The following ROBO2 variants were observed in gnomAD, a reference collection of about 807,000 sequenced individuals.
ROBO2 encodes the protein roundabout guidance receptor 2.
In ROBO2, 53 loss-of-function variants were observed where a neutral mutation model predicts 160.8. That is an observed-to-expected ratio of 0.33 (90% CI 0.26 to 0.41). The LOEUF is 0.41. Ranked by LOEUF, ROBO2 falls within the 10% of genes least tolerant of loss-of-function variation. The probability of loss-of-function intolerance (pLI) is 1.00; values close to 1 mark genes in which losing one functional copy is unlikely to be tolerated. For missense variants in ROBO2, 1,577 were observed against 1,722.4 expected, an observed-to-expected ratio of 0.92 and a Z score of 1.49; for synonymous variants, 664 against 611.7, an observed-to-expected ratio of 1.09 and a Z score of -1.26.
intron 1 of ROBO2, among the ~76,000 whole-genome samples, chr3:77,069,041 C>T (rs1455156499): frequency 6.6e-6 from 1 of 152,134 alleles, no homozygotes; most frequent in Non-Finnish European, 1.5e-5. Context: ...TCTATGGCTA[C>T]CTTCTTTCTA....
chr3:77,291,997 G>A (rs1167773032), intron 2 of ROBO2, among the ~76,000 whole-genome samples: 5 of 151,528 alleles, frequency 3.3e-5, no homozygotes, highest in South Asian at 4.2e-4. Context: ...ATGGTTAAAC[G>A]GGTAAGCTGA....
chr3:76,093,863 A>G (rs1439616132), intron 2 of ROBO2, among the ~76,000 whole-genome samples: 1 of 152,180 alleles, frequency 6.6e-6, no homozygotes, highest in Non-Finnish European at 1.5e-5. Context: ...TTTTAGAATA[A>G]AAGTCTCTTT....
chr3:76,114,423 A>G (rs1339455382), intron 2 of ROBO2, among the ~76,000 whole-genome samples: 1 of 152,194 alleles, frequency 6.6e-6, no homozygotes, highest in Non-Finnish European at 1.5e-5. Flanking sequence ...AGTAATATTA[A>G]ATAAAAAAAT....
At chr3:77,218,786 C>T (rs1053086295) in intron 2 of ROBO2, among the ~76,000 whole-genome samples, 2 of 152,148 alleles carry the variant, frequency 1.3e-5, no homozygotes, top group African/African-American at 4.8e-5. Flanking sequence ...CTGACTAATG[C>T]GTCTGACTTT....
chr3:76,061,073 GTTTA>G, intron 2 of ROBO2, among the ~76,000 whole-genome samples: 1 of 151,820 alleles, frequency 6.6e-6, no homozygotes. Context: ...AAAATGCCAT[GTTTA>G]TTTATGTTAT....
chr3:77,091,834 G>A (rs188888590), intron 1 of ROBO2, among the ~76,000 whole-genome samples: 70 of 151,980 alleles, frequency 4.6e-4, no homozygotes, highest in African/African-American at 1.5e-3. Flanking sequence ...CAAAAAATTA[G>A]CCAGGTGTGG....
chr3:77,159,034 A>AAT, intron 2 of ROBO2, among the ~76,000 whole-genome samples: 1 of 152,130 alleles, frequency 6.6e-6, no homozygotes, highest in South Asian at 2.1e-4. Flanking sequence ...TCAAGTCATC[A>AAT]TTCTTAATTT....
At chr3:76,909,173 G>C (rs549237575) in intron 2 of ROBO2, among the ~76,000 whole-genome samples, 3 of 152,336 alleles carry the variant, frequency 2.0e-5, no homozygotes, top group African/African-American at 7.2e-5. Flanking sequence ...GTTGCAGTGA[G>C]CTGCGATCAA....
intron 2 of ROBO2, among the ~76,000 whole-genome samples, chr3:77,102,875 C>T (rs2072187497): frequency 6.7e-6 from 1 of 149,822 alleles, no homozygotes; most frequent in South Asian, 2.1e-4. Flanking sequence ...AAATAGCTAT[C>T]CAGAAAGTGT....
At chr3:77,509,793 G>A (rs910393947) in intron 5 of ROBO2, among the ~76,000 whole-genome samples, 3 of 151,922 alleles carry the variant, frequency 2.0e-5, no homozygotes, top group Non-Finnish European at 4.4e-5. Flanking sequence ...AATTTGTCAC[G>A]GCTGCCTACT....
At chr3:77,095,464 C>T (rs1306309792) in intron 1 of ROBO2, among the ~76,000 whole-genome samples, 1 of 149,454 alleles carries the variant, frequency 6.7e-6, no homozygotes, top group Non-Finnish European at 1.5e-5. Context: ...TAAGTTAGTG[C>T]ACAAGTTGAT....
At chr3:77,375,968 C>T (rs1195233327) in intron 2 of ROBO2, among the ~76,000 whole-genome samples, 1 of 149,492 alleles carries the variant, frequency 6.7e-6, no homozygotes, top group Non-Finnish European at 1.5e-5. Flanking sequence ...ACCAAGAGAT[C>T]CCTTTCTCAA....
intron 2 of ROBO2, among the ~76,000 whole-genome samples, chr3:76,420,433 G>A (rs950673105): frequency 7.2e-5 from 11 of 152,092 alleles, no homozygotes; most frequent in East Asian, 1.9e-4. Flanking sequence ...TAAAATTGCC[G>A]GCATTGATCT....
intron 21 of ROBO2, among the ~76,000 whole-genome samples, chr3:77,613,616 A>C (rs1013264737): frequency 3.3e-5 from 5 of 152,202 alleles, no homozygotes; most frequent in Admixed American, 2.0e-4. Context: ...TTAGGAAAAA[A>C]GAACAAAGCA....
chr3:76,511,361 G>T (rs1358371682), intron 2 of ROBO2, among the ~76,000 whole-genome samples: 2 of 152,146 alleles, frequency 1.3e-5, no homozygotes, highest in Admixed American at 6.5e-5. Context: ...CAAACATTTT[G>T]TACCAGTGAC....
intron 2 of ROBO2, among the ~76,000 whole-genome samples, chr3:76,216,020 G>A (rs1024060121): frequency 5.3e-5 from 8 of 152,004 alleles, no homozygotes; most frequent in Admixed American, 1.3e-4. Context: ...ATTCTTAAAG[G>A]AAAGAATTTT....
intron 2 of ROBO2, among the ~76,000 whole-genome samples, chr3:76,856,147 T>G (rs1305838902): frequency 6.6e-6 from 1 of 152,154 alleles, no homozygotes; most frequent in Non-Finnish European, 1.5e-5. Flanking sequence ...GAAGACATAA[T>G]TGGTTCAACT....
intron 2 of ROBO2, among the ~76,000 whole-genome samples, chr3:77,265,411 T>G (rs1489122411): frequency 6.6e-6 from 1 of 152,190 alleles, no homozygotes; most frequent in Non-Finnish European, 1.5e-5. Flanking sequence ...CAATGCCTTT[T>G]ACAAGTTTAT....
intron 2 of ROBO2, among the ~76,000 whole-genome samples, chr3:76,216,968 C>T (rs1703581637): frequency 6.6e-6 from 1 of 152,132 alleles, no homozygotes; most frequent in Non-Finnish European, 1.5e-5. Flanking sequence ...ATCTCTCAGA[C>T]CACAGTGCAA....
Sources: allele counts gnomAD v4.1 joint callset (sites outside exome capture counted in the v4.1 genomes callset), GRCh38; gene constraint gnomAD v4.1.1; transcripts MANE v1.5; gene names NCBI Gene and HGNC (gene_info 2026-07-23, HGNC 2026-07-21).